The following ZNF385D variants were observed in gnomAD, a reference collection of about 807,000 sequenced individuals.
ZNF385D encodes the protein zinc finger protein 385D.
ZNF385D carries 15 observed loss-of-function variants against 35.8 expected under a neutral mutation model. The observed-to-expected ratio is 0.42, with a 90% CI of 0.28 to 0.64. The LOEUF (loss-of-function observed/expected upper bound fraction) is 0.64. Ranked by LOEUF, ZNF385D falls within the 30% of genes least tolerant of loss-of-function variation. ZNF385D has a pLI of 0.23. For synonymous variants in ZNF385D, 212 were observed against 186.8 expected (o/e 1.13, Z -1.10); for missense variants, 474 against 494.6 (o/e 0.96, Z 0.39).
At chr3:22,204,138 G>C (rs1238374640) in intron 2 of ZNF385D, among the ~76,000 whole-genome samples, 1 of 152,040 alleles carries the variant, frequency 6.6e-6, no homozygotes, top group Non-Finnish European at 1.5e-5. Context: ...GCTCAGCAGA[G>C]AGAGGAGACT....
intron 2 of ZNF385D, among the ~76,000 whole-genome samples, chr3:22,273,004 T>C (rs1045913275): frequency 1.3e-5 from 2 of 151,906 alleles, no homozygotes; most frequent in Admixed American, 6.6e-5. Flanking sequence ...ATATATAGCA[T>C]GCTTTTATGC....
intron 2 of ZNF385D, among the ~76,000 whole-genome samples, chr3:22,319,477 TG>T (rs1390302345): frequency 1.3e-5 from 2 of 152,148 alleles, no homozygotes; most frequent in Non-Finnish European, 1.5e-5. Flanking sequence ...AATTCAGTAC[TG>T]GGAAACTTTG....
chr3:21,637,896 C>T (rs1292584599), intron 2 of ZNF385D, among the ~76,000 whole-genome samples: 2 of 152,000 alleles, frequency 1.3e-5, no homozygotes, highest in East Asian at 3.9e-4. Flanking sequence ...AATCGAAGAC[C>T]TCTAATACTG....
intron 1 of ZNF385D, among the ~76,000 whole-genome samples, chr3:21,739,136 T>G (rs1237599317): frequency 6.6e-6 from 1 of 152,194 alleles, no homozygotes; most frequent in Admixed American, 6.5e-5. Context: ...CCTCATTCTC[T>G]CAACACCATC....
At chr3:22,108,623 A>G (rs1338686752) in intron 3 of ZNF385D, among the ~76,000 whole-genome samples, 2 of 152,200 alleles carry the variant, frequency 1.3e-5, no homozygotes, top group Non-Finnish European at 2.9e-5. Context: ...TAGAAAAGTT[A>G]CTTAACCTCT....
chr3:22,247,115 G>A (rs976935839), intron 2 of ZNF385D, among the ~76,000 whole-genome samples: 13 of 152,024 alleles, frequency 8.6e-5, no homozygotes, highest in African/African-American at 3.1e-4. Context: ...CTGGGCATCA[G>A]GAAGTAAAAC....
At chr3:21,437,699 T>TAAAAAAAAA (rs1559447253) in intron 4 of ZNF385D, among the ~76,000 whole-genome samples, 2 of 1,194 alleles carry the variant, frequency 1.7e-3, no homozygotes, top group Non-Finnish European at 3.6e-3. Context: ...CAAATGCTTA[T>TAAAAAAAAA]ACAAAAAAAA....
At chr3:22,130,811 A>G (rs1703741626) in intron 3 of ZNF385D, among the ~76,000 whole-genome samples, 1 of 152,196 alleles carries the variant, frequency 6.6e-6, no homozygotes, top group South Asian at 2.1e-4. Flanking sequence ...TTATGAAGGT[A>G]CCTTCTTCTG....
intron 3 of ZNF385D, among the ~76,000 whole-genome samples, chr3:22,135,143 TA>T (rs1241370701): frequency 6.6e-6 from 1 of 152,070 alleles, no homozygotes; most frequent in Non-Finnish European, 1.5e-5. Context: ...CTAGTCAGTA[TA>T]AAGAAGCAAG....
At chr3:21,499,266 G>A (rs1388944357) in intron 4 of ZNF385D, among the ~76,000 whole-genome samples, 2 of 151,984 alleles carry the variant, frequency 1.3e-5, no homozygotes, top group African/African-American at 4.8e-5. Context: ...AGGAAAATTT[G>A]GTACATATAC....
At chr3:22,035,516 TA>T (rs1458796286) in intron 3 of ZNF385D, among the ~76,000 whole-genome samples, 8 of 152,220 alleles carry the variant, frequency 5.3e-5, no homozygotes, top group Non-Finnish European at 1.0e-4. Flanking sequence ...AAATTAGTTT[TA>T]AAATTGGTTT....
intron 4 of ZNF385D, among the ~76,000 whole-genome samples, chr3:21,455,649 G>A (rs1702757391): frequency 6.6e-6 from 1 of 152,088 alleles, no homozygotes; most frequent in African/African-American, 2.4e-5. Context: ...GAAAACCTAG[G>A]CAATACCATT....
At chr3:21,481,020 A>G (rs1704593165) in intron 4 of ZNF385D, among the ~76,000 whole-genome samples, 1 of 152,182 alleles carries the variant, frequency 6.6e-6, no homozygotes, top group Non-Finnish European at 1.5e-5. Flanking sequence ...GAGTTGATTA[A>G]CTGAAGCTTA....
At chr3:21,610,770 G>A (rs1203384348) in intron 2 of ZNF385D, among the ~76,000 whole-genome samples, 2 of 114,146 alleles carry the variant, frequency 1.8e-5, no homozygotes, top group African/African-American at 4.2e-5. Context: ...GCGAGACTCC[G>A]TCCCCCCCAA....
At chr3:21,498,427 C>A (rs1476049299) in intron 4 of ZNF385D, among the ~76,000 whole-genome samples, 1 of 152,042 alleles carries the variant, frequency 6.6e-6, no homozygotes, top group Non-Finnish European at 1.5e-5. Context: ...AACAGACAAC[C>A]TACAGAATGG....
chr3:21,831,473 T>G (rs1294561628), intron 3 of ZNF385D, among the ~76,000 whole-genome samples: 1 of 152,200 alleles, frequency 6.6e-6, no homozygotes, highest in Admixed American at 6.5e-5. Context: ...GAATAAGAAA[T>G]CCTTAGCTTT....
At chr3:21,610,826 C>T (rs2064654218) in intron 2 of ZNF385D, among the ~76,000 whole-genome samples, 1 of 151,918 alleles carries the variant, frequency 6.6e-6, no homozygotes, top group East Asian at 1.9e-4. Context: ...TGCTGTGGCT[C>T]TGAAGTCCAG....
chr3:22,290,476 T>C (rs1702244878), intron 2 of ZNF385D, among the ~76,000 whole-genome samples: 1 of 152,150 alleles, frequency 6.6e-6, no homozygotes, highest in South Asian at 2.1e-4. Flanking sequence ...GAAGGGGACA[T>C]AGCAAGGATC....
chr3:22,151,236 TA>T (rs1705212882), intron 3 of ZNF385D, among the ~76,000 whole-genome samples: 1 of 152,094 alleles, frequency 6.6e-6, no homozygotes, highest in African/African-American at 2.4e-5. Flanking sequence ...CACATTTGGA[TA>T]TGCTGGCTGA....
Sources: gnomAD v4.1 joint callset for allele counts (sites outside exome capture counted in the v4.1 genomes callset) on GRCh38, gnomAD v4.1.1 for gene constraint, MANE v1.5 for transcripts, NCBI Gene and HGNC (gene_info 2026-07-23, HGNC 2026-07-21) for gene names.